Variants in CDKL1 observed in about 807,000 individuals in gnomAD.
The protein encoded by CDKL1 is cyclin-dependent kinase-like 1.
Under a neutral mutation model 42.0 loss-of-function variants are expected in CDKL1, and 41 were observed. The ratio of observed to expected loss-of-function variants is 0.98; its 90% CI spans 0.76 to 1.27. The LOEUF (loss-of-function observed/expected upper bound fraction) is 1.27, where lower values mean the gene tolerates loss of function less well. Ranked by LOEUF, CDKL1 falls within the 50% of genes most tolerant of loss-of-function variation. The pLI, the probability that CDKL1 is intolerant of heterozygous loss-of-function variation, is 0.00. For synonymous variants in CDKL1, 153 were observed against 158.6 expected, an observed-to-expected ratio of 0.96 and a Z score of 0.26; for missense variants, 394 against 428.4, an observed-to-expected ratio of 0.92 and a Z score of 0.71.
At chr14:50,349,968 C>G (rs2033849391) in intron 3 of CDKL1, among the ~76,000 whole-genome samples, 1 of 152,222 alleles carries the variant, frequency 6.6e-6, no homozygotes, top group South Asian at 2.1e-4. Flanking sequence ...GGGGTTTCGC[C>G]ACGTTGGCCA....
chr14:50,330,353 CTTTTAAATGT>C, intron 9 of CDKL1, 172 bp from the exon 10 acceptor site: 1 of 734,268 alleles, frequency 1.4e-6, no homozygotes. Flanking sequence ...TTGGCTTTTC[CTTTTAAATGT>C]TTATATTAAA....
chr14:50,375,438 A>T (rs377669211), intron 2 of CDKL1, among the ~76,000 whole-genome samples: 14 of 152,248 alleles, frequency 9.2e-5, no homozygotes, highest in Non-Finnish European at 1.8e-4. Flanking sequence ...AGTGCGCTGC[A>T]CGTAGTGACT....
Position 50,396,021 on chromosome 14 carries a change from C to T in CDKL1, c.-153G>A. 3 of 993,612 alleles carry T rather than the reference C, an allele frequency of 3.0e-6. No individual in the cohort carries two copies. The highest frequency in any genetic ancestry group is 4.3e-6 in the Non-Finnish European group (3 of 704,328). 61.5% of individuals were successfully genotyped at this position (993,612 alleles called of 1,614,324 possible). A position where few individuals can be genotyped will look rare whatever the true frequency, so the allele number is the denominator to read the frequency against. On this transcript the variant is annotated 5_prime_UTR_variant, in exon 2 of 10. Transcript: ENST00000395834. ...CCAACATACTGAAACTCCGTCTCTACTAAAGATACAAAAAATTAGCCGGGT... is the reference window on the plus strand; with the variant it reads ...CCAACATACTGAAACTCCGTCTCTATTAAAGATACAAAAAATTAGCCGGGT...
rs1289673104 is a variant in CDKL1 at position 50,332,362 on chromosome 14, T to G, written c.866A>C (p.Asn289Thr). The stretch of plus-strand genomic sequence containing the variant: ...TGCCAAATCCTCTATTTCTCTGATG[T>G]TTTCAAAATATGGGTGATGCAACAG... ...EQLLHHPYFE[N>T]IREIEDLAKE... The change falls in exon 9 of 10, where the codon AAC (asparagine) becomes ACC (threonine). Residue 289 changes from asparagine to threonine, a missense_variant. Physicochemically the swap from Asn to Thr is moderately conservative, Grantham distance 65 (BLOSUM62 0). Coordinates refer to ENST00000395834, the MANE Select transcript of CDKL1 (RefSeq NM_004196.7). 1 of 1,614,108 alleles carries G rather than the reference T, an allele frequency of 6.2e-7. No individual in the cohort carries two copies.
chr14:50,382,981 G>A, intron 2 of CDKL1, among the ~76,000 whole-genome samples: 1 of 150,850 alleles, frequency 6.6e-6, no homozygotes. Context: ...AGGCTGGAGT[G>A]CAGTGGCACG....
At chr14:50,384,112 G>C (rs1326130684) in intron 2 of CDKL1, among the ~76,000 whole-genome samples, 2 of 152,156 alleles carry the variant, frequency 1.3e-5, no homozygotes, top group Non-Finnish European at 2.9e-5. Flanking sequence ...CTATCATTGT[G>C]GGCAAGGGAA....
chr14:50,354,637 T>C (rs1292300342), intron 3 of CDKL1, among the ~76,000 whole-genome samples: 4 of 152,206 alleles, frequency 2.6e-5, no homozygotes, highest in African/African-American at 7.2e-5. Flanking sequence ...GGGACAATTA[T>C]AAAAACATAA....
intron 2 of CDKL1, among the ~76,000 whole-genome samples, chr14:50,391,049 G>A (rs771568452): frequency 1.2e-4 from 19 of 152,118 alleles, no homozygotes; most frequent in Non-Finnish European, 2.2e-4. Context: ...TGCCCCTGCT[G>A]GTCTTGAACT....
intron 2 of CDKL1, chr14:50,364,068 G>C (rs535394518): frequency 6.6e-6 from 1 of 152,286 alleles, no homozygotes; most frequent in Non-Finnish European, 1.5e-5. Context: ...GCAAGGAGTA[G>C]CACTGTGCCA....
rs11570809 is a variant in CDKL1, at chr14:50,363,222, G to A, written c.169-4073C>T. On this transcript the variant is annotated intron_variant, in intron 2 of 9. Coordinates refer to ENST00000395834, the MANE Select transcript of CDKL1 (RefSeq NM_004196.7). ...GCCTTTAAGAAGTGTAACACTCACC[G>A]CGAGAGTCTGTGGCTTCATTCTTGA... is the stretch of plus-strand genomic sequence containing the variant. 2.7e-3 allele frequency: 534 copies of A among 199,608 alleles called. 4 individuals are homozygous for A. The highest frequency in any genetic ancestry group is 0.014 in the Middle Eastern group (7 of 492). The allele number at this position is 199,608 out of a possible 1,614,324, so 12.4% of individuals were successfully genotyped here.
intron 7 of CDKL1, among the ~76,000 whole-genome samples, chr14:50,338,197 G>C (rs1353906786): frequency 6.6e-6 from 1 of 152,156 alleles, no homozygotes; most frequent in Admixed American, 6.5e-5. Flanking sequence ...AAGCACCAGA[G>C]TAAGGCTGGC....
chr14:50,388,576 T>A (rs1036200967), intron 2 of CDKL1, among the ~76,000 whole-genome samples: 1 of 152,212 alleles, frequency 6.6e-6, no homozygotes, highest in African/African-American at 2.4e-5. Context: ...TGTCTGTGCT[T>A]TCCTCTTCTA....
intron 3 of CDKL1, among the ~76,000 whole-genome samples, chr14:50,355,778 G>A (rs1278125046): frequency 6.6e-6 from 1 of 152,218 alleles, no homozygotes; most frequent in East Asian, 1.9e-4. Context: ...ATGTAGGAAG[G>A]ACAGCAGGAG....
intron 2 of CDKL1, among the ~76,000 whole-genome samples, chr14:50,369,714 G>A (rs535750954): frequency 2.3e-4 from 35 of 151,910 alleles, no homozygotes; most frequent in East Asian, 7.7e-4. Flanking sequence ...AGCCTCCTGG[G>A]TTCAAGCAAT....
intron 3 of CDKL1, among the ~76,000 whole-genome samples, chr14:50,346,024 T>C (rs1216238093): frequency 1.3e-5 from 2 of 152,132 alleles, no homozygotes; most frequent in Non-Finnish European, 2.9e-5. Flanking sequence ...TGGCTGGACT[T>C]ACTGTTTTGA....
chr14:50,396,102 C>T lies in CDKL1; in HGVS notation c.-234G>A, dbSNP rs2035393810. 9.4e-7 allele frequency: 1 copy of T among 1,068,062 alleles called. No homozygotes were observed. The highest frequency in any genetic ancestry group is 1.2e-6 in the Non-Finnish European group (1 of 862,316). The allele number at this position is 1,068,062 out of a possible 1,614,324, so 66.2% of individuals were successfully genotyped here. A position where few individuals can be genotyped will look rare whatever the true frequency, so the allele number is the denominator to read the frequency against. On this transcript the variant is annotated 5_prime_UTR_variant, in exon 2 of 10. Transcript: ENST00000395834. ...TCAGGAGACTGAGGCAGGAGAATCGCGTGAACCTGGGAGGCGCAGGTTGCA... is the reference window on the plus strand; with the variant it reads ...TCAGGAGACTGAGGCAGGAGAATCGTGTGAACCTGGGAGGCGCAGGTTGCA...
rs1304023826 is a variant in CDKL1 at position 50,329,134 on chromosome 14, A to G, written c.*940T>C. ...AGGGAAAACATCAGTTTACAACATA[A>G]TGTCTTTCATGACTCAAGTAAAAGC... On this transcript the variant is annotated 3_prime_UTR_variant, in exon 10 of 10. Transcript: ENST00000395834. 1.3e-5 allele frequency: 2 copies of G among 151,788 alleles called. No homozygotes were observed. Among genetic ancestry groups the G allele is most frequent in the African/African-American group, 4.8e-5 (2 of 41,326 alleles). 9.4% of individuals were successfully genotyped at this position (151,788 alleles called of 1,614,324 possible). A position where few individuals can be genotyped will look rare whatever the true frequency, so the allele number is the denominator to read the frequency against.
At chr14:50,390,336 T>C (rs1376516318) in intron 2 of CDKL1, 1 of 1,366,488 alleles carries the variant, frequency 7.3e-7, no homozygotes, top group Non-Finnish European at 9.8e-7. Context: ...GTCCTTGACC[T>C]CCAACTCCGC....
At chr14:50,350,468 AGAG>A (rs1746684771) in intron 3 of CDKL1, among the ~76,000 whole-genome samples, 1 of 152,220 alleles carries the variant, frequency 6.6e-6, no homozygotes, top group Non-Finnish European at 1.5e-5. Flanking sequence ...TTAATCTATG[AGAG>A]AAGAAGGGGC....
Sources: allele counts gnomAD v4.1 joint callset (sites outside exome capture counted in the v4.1 genomes callset), GRCh38; gene constraint gnomAD v4.1.1; transcripts MANE v1.5; gene names NCBI Gene and HGNC (gene_info 2026-07-23, HGNC 2026-07-21).